Variants in RNF123 observed in about 807,000 individuals in gnomAD.
The protein encoded by RNF123 is ring finger protein 123.
Under a neutral mutation model 168.5 loss-of-function variants are expected in RNF123, and 86 were observed. That is an observed-to-expected ratio of 0.51 (90% confidence interval 0.43 to 0.61). The LOEUF (loss-of-function observed/expected upper bound fraction) is 0.61, where lower values mean the gene tolerates loss of function less well. RNF123 is among the 20% of genes least tolerant of loss of function. The pLI is 0.00. For missense variants in RNF123, 1,419 were observed against 1,729.7 expected (o/e 0.82, Z 3.19); for synonymous variants, 666 against 689.1 (o/e 0.97, Z 0.52).
intron 35 of RNF123, chr3:49,719,651 T>A: frequency 1.7e-6 from 1 of 584,182 alleles, no homozygotes; most frequent in East Asian, 3.1e-5. Flanking sequence ...GCGGCACTCT[T>A]AGCCGCGCTC....
At chr3:49,700,439 C>T (rs771565390) in intron 13 of RNF123, 33 bp from the exon 14 acceptor site, 2 of 1,612,524 alleles carry the variant, frequency 1.2e-6, no homozygotes, top group East Asian at 2.2e-5. Flanking sequence ...GAAAAGGCCC[C>T]AGTCATGGCT....
At chr3:49,706,750 G>C in intron 25 of RNF123, 41 bp from the exon 26 acceptor site, 1 of 1,564,180 alleles carries the variant, frequency 6.4e-7, no homozygotes, top group Non-Finnish European at 8.8e-7. Flanking sequence ...CCTGGGTATG[G>C]GGCCATGTCT....
chr3:49,706,341 T>C (rs1406696967), intron 25 of RNF123, among the ~76,000 whole-genome samples: 1 of 152,220 alleles, frequency 6.6e-6, no homozygotes, highest in Non-Finnish European at 1.5e-5. Context: ...CCTCGGCCAC[T>C]TGCAGAGTCA....
At chr3:49,718,152 GGTGCTGA>G (rs1225748451) in intron 35 of RNF123, 3 of 1,613,068 alleles carry the variant, frequency 1.9e-6, no homozygotes, top group East Asian at 2.2e-5. Flanking sequence ...CTGGCGGTGT[GGTGCTGA>G]GTACTGAGGA....
At chr3:49,698,335 CT>C in intron 7 of RNF123, 104 bp from the exon 8 acceptor site, 2 of 1,035,780 alleles carry the variant, frequency 1.9e-6, no homozygotes, top group Admixed American at 3.8e-5. Context: ...CTCAGATCAT[CT>C]GTTCCCTTCT....
intron 37 of RNF123, 25 bp downstream of exon 37, chr3:49,720,919 T>C (rs753692449): frequency 3.1e-6 from 5 of 1,612,832 alleles, no homozygotes; most frequent in Non-Finnish European, 4.2e-6. Flanking sequence ...GGTGCACAGG[T>C]CCATGCCACT....
In RNF123 at chr3:49,703,709, C is replaced by T. The variant is rs564994129; in HGVS notation, c.1852+181C>T. ...CTACATCTGGGCAGCTTCTCTTTCC[C>T]GCCAGCACCCACGCCATAGGGGTCG... On this transcript the variant is annotated intron_variant, in intron 21 of 38. Transcript: ENST00000327697. 1.4e-4 allele frequency among the ~76,000 whole-genome samples: 21 copies of T among 152,330 alleles called. 1 individual carries two copies. The highest frequency in any genetic ancestry group is 3.4e-3 in the Middle Eastern group (1 of 294).
intron 15 of RNF123, 45 bp from the exon 16 acceptor site, chr3:49,701,446 C>A: frequency 6.8e-7 from 1 of 1,472,004 alleles, no homozygotes; most frequent in Non-Finnish European, 9.5e-7. Flanking sequence ...TGAGGGTGTG[C>A]AGAGTGCCCT....
chr3:49,703,461 C>T lies in RNF123; in HGVS notation c.1785C>T (p.Gly595=). ...TCCCGCCCCAGGTCTTCTATAATGGCAAGGTGGACTACTTTGACCTGCAGC... is the reference window on the plus strand; with the variant it reads ...TCCCGCCCCAGGTCTTCTATAATGGTAAGGTGGACTACTTTGACCTGCAGC... ...AYIPPQVFYN[G]KVDYFDLQRL... is the part of the protein sequence containing the mutation. Residue 595 remains glycine (G), a synonymous_variant, in exon 21 of 39, where the codon GGC becomes GGT. Transcript: ENST00000327697. 2.5e-6 allele frequency: 4 copies of T among 1,614,118 alleles called. No individual in the cohort carries two copies. The highest frequency in any genetic ancestry group is 3.4e-6 in the Non-Finnish European group (4 of 1,180,002).
chr3:49,698,967 C>T lies in RNF123; in HGVS notation c.639-13C>T, dbSNP rs199664585. The T allele has an allele frequency of 2.6e-5, 42 of 1,613,486 alleles. No homozygotes were observed. In the East Asian group the frequency reaches 6.2e-4, roughly 24 times the overall value. On this transcript the variant is annotated splice_polypyrimidine_tract_variant and intron_variant, in intron 9 of 38. Transcript: ENST00000327697. ...TGCTTAGCACTGGCTCACAGACCCACCCTTCTCCCCAGGAACGGTGTATCA... is the reference window on the plus strand; with the variant it reads ...TGCTTAGCACTGGCTCACAGACCCATCCTTCTCCCCAGGAACGGTGTATCA...
chr3:49,692,011 A>C (rs1424091358), intron 3 of RNF123, among the ~76,000 whole-genome samples: 1 of 152,278 alleles, frequency 6.6e-6, no homozygotes, highest in African/African-American at 2.4e-5. Context: ...TGGGAGGCCA[A>C]GGTGGGTAGA....
chr3:49,697,147 C>T lies in RNF123; in HGVS notation c.172C>T (p.Pro58Ser), dbSNP rs747814056. The change falls in exon 4 of 39, where the codon CCC (proline) becomes TCC (serine). Residue 58 changes from proline to serine, a missense_variant. Pro to Ser is a moderately conservative substitution (Grantham distance 74, BLOSUM62 -1). This residue lies in a region of RNF123 where 318 missense variants were observed against 446.6 expected (regional missense o/e 0.71). Coordinates refer to ENST00000327697, the MANE Select transcript of RNF123 (RefSeq NM_022064.5). ...HAPPAATSRK[P>S]LNFQNLPEHL... Reference sequence around the variant, plus strand: ...GCAGCCTCTCACTCTCCCCAGGAAACCCCTGAACTTCCAGAACCTGCCAGA... The same window carrying T: ...GCAGCCTCTCACTCTCCCCAGGAAATCCCTGAACTTCCAGAACCTGCCAGA... 2.9e-5 allele frequency: 46 copies of T among 1,613,860 alleles called. No homozygotes were observed. The Admixed American group carries it at 7.2e-4, about 25-fold the overall frequency.
chr3:49,716,339 C>A, intron 34 of RNF123, 54 bp from the exon 35 acceptor site: 1 of 1,582,812 alleles, frequency 6.3e-7, no homozygotes, highest in Non-Finnish European at 8.7e-7. Flanking sequence ...AGGCCTGGAG[C>A]CCTTGAAGCA....
intron 27 of RNF123, 57 bp from the exon 28 acceptor site, chr3:49,713,456 T>A: frequency 1.3e-6 from 2 of 1,520,206 alleles, no homozygotes; most frequent in Non-Finnish European, 1.8e-6. Context: ...CCTGCTGACA[T>A]GCCTGCCTCT....
intron 1 of RNF123, 46 bp from the exon 2 acceptor site, chr3:49,691,084 G>C: frequency 1.5e-6 from 2 of 1,323,482 alleles, no homozygotes; most frequent in Non-Finnish European, 2.1e-6. Flanking sequence ...TCAGGTGTGG[G>C]GGCCCCTGGC....
intron 3 of RNF123, among the ~76,000 whole-genome samples, chr3:49,694,838 C>G (rs1335215501): frequency 6.6e-6 from 1 of 150,860 alleles, no homozygotes; most frequent in African/African-American, 2.4e-5. Flanking sequence ...TCATGTGATA[C>G]CAGAGATGGT....
At position 49,718,191 on chromosome 3, in the gene RNF123, C is replaced by T. The variant is rs144519280; in HGVS notation, c.3500+1714C>T. On this transcript the variant is annotated intron_variant, in intron 35 of 38. Coordinates refer to ENST00000327697, the MANE Select transcript of RNF123 (RefSeq NM_022064.5). ...AGGACTGTGCGCTCAGCTCTTGGAG[C>T]GGGCTGGGTGTTTGGGGCCAGCGGC... 12 of 1,612,796 alleles carry T rather than the reference C, an allele frequency of 7.4e-6. No individual in the cohort carries two copies. The African/African-American group carries it at 9.3e-5, about 13-fold the overall frequency.
At chr3:49,719,813 T>C in intron 35 of RNF123, 1 of 254,048 alleles carries the variant, frequency 3.9e-6, no homozygotes. Context: ...GACCGCCAGA[T>C]GGGGAGCAAG....
intron 35 of RNF123, chr3:49,720,285 C>T (rs1208100769): frequency 6.6e-5 from 24 of 362,480 alleles, no homozygotes; most frequent in Non-Finnish European, 1.1e-4. Context: ...CATCGCACTC[C>T]AGCCTGGGCA....
Sources: gnomAD v4.1 joint callset for allele counts (sites outside exome capture counted in the v4.1 genomes callset) on GRCh38, gnomAD v4.1.1 for gene constraint, gnomAD v4.1.1 regional missense constraint, MANE v1.5 for transcripts, NCBI Gene and HGNC (gene_info 2026-07-23, HGNC 2026-07-21) for gene names.